Variants in TMEM131 observed in about 807,000 individuals in gnomAD.
TMEM131 encodes transmembrane protein 131, also known as 2610524E03Rik.
TMEM131 carries 66 observed loss-of-function variants against 211.6 expected under a neutral mutation model. That is an observed-to-expected ratio of 0.31 (90% CI 0.26 to 0.38). The LOEUF (loss-of-function observed/expected upper bound fraction) is 0.38, where lower values mean the gene tolerates loss of function less well. TMEM131 is among the 10% of genes least tolerant of loss of function. TMEM131 has a pLI of 1.00. For synonymous variants in TMEM131, 844 were observed against 841.3 expected, an observed-to-expected ratio of 1.00 and a Z score of -0.06; for missense variants, 2,036 against 2,299.3, an observed-to-expected ratio of 0.89 and a Z score of 2.34.
At chr2:97,942,331 TG>T (rs1336052955) in intron 1 of TMEM131, among the ~76,000 whole-genome samples, 1 of 34,388 alleles carries the variant, frequency 2.9e-5, no homozygotes, top group African/African-American at 1.2e-4. Flanking sequence ...GTCAATGGGG[TG>T]GGGGGAGGGG....
intron 7 of TMEM131, among the ~76,000 whole-genome samples, chr2:97,840,519 GTTC>G (rs1284339654): frequency 1.3e-5 from 2 of 152,214 alleles, no homozygotes. Context: ...GAGGCCAGGA[GTTC>G]AAGGCTGCAG....
chr2:97,766,913 A>C (rs570576473), intron 33 of TMEM131, among the ~76,000 whole-genome samples: 28 of 152,314 alleles, frequency 1.8e-4, no homozygotes, highest in Non-Finnish European at 3.4e-4. Flanking sequence ...GCATAGAAAG[A>C]AAGCCCTTAG....
chr2:97,774,629 C>T (rs1352617793), intron 32 of TMEM131, among the ~76,000 whole-genome samples: 2 of 152,118 alleles, frequency 1.3e-5, no homozygotes, highest in East Asian at 1.9e-4. Flanking sequence ...AGTGGGTGAG[C>T]ACAGAACACT....
chr2:97,838,246 G>A (rs1683021991), intron 7 of TMEM131, among the ~76,000 whole-genome samples: 1 of 150,644 alleles, frequency 6.6e-6, no homozygotes, highest in Admixed American at 6.6e-5. Context: ...CAAGGCAGGA[G>A]ACCTTCCTTT....
At chr2:97,933,814 C>T (rs1360389269) in intron 1 of TMEM131, among the ~76,000 whole-genome samples, 3 of 152,122 alleles carry the variant, frequency 2.0e-5, no homozygotes, top group Non-Finnish European at 4.4e-5. Flanking sequence ...ATCATATCAA[C>T]TGACACAGAA....
Position 97,775,902 on chromosome 2 carries a change from C to T in TMEM131, c.4261G>A (p.Asp1421Asn), listed in dbSNP as rs1466400343. Residue 1421 changes from aspartate (D) to asparagine (N), a missense_variant, in exon 32 of 41, where the codon GAT becomes AAT. Physicochemically the swap from Asp to Asn is conservative, Grantham distance 23. Coordinates refer to ENST00000186436, the MANE Select transcript of TMEM131 (RefSeq NM_015348.2). ...GTCTCTGTGGTGGTGGAGGAGCTAT[C>T]ATCATCAGCCAAAGAGTCCTTCAGC... is the stretch of plus-strand genomic sequence containing the variant. ...DELKDSLADDDSSSTTTETSN... is the reference protein window; with the variant it reads ...DELKDSLADDNSSSTTTETSN... 1 of 1,613,942 alleles carries T rather than the reference C, an allele frequency of 6.2e-7. No homozygotes were observed. The highest frequency in any genetic ancestry group is 2.2e-5 in the East Asian group (1 of 44,892).
intron 32 of TMEM131, among the ~76,000 whole-genome samples, chr2:97,775,500 A>C (rs1009905077): frequency 1.3e-5 from 2 of 152,234 alleles, no homozygotes; most frequent in Non-Finnish European, 2.9e-5. Flanking sequence ...TTGATCCTTA[A>C]AATCTGAAAG....
At chr2:97,844,911 C>T (rs1371743418) in intron 5 of TMEM131, among the ~76,000 whole-genome samples, 2 of 152,024 alleles carry the variant, frequency 1.3e-5, no homozygotes, top group African/African-American at 4.8e-5. Context: ...ATATGTAAAG[C>T]CATCAACCTC....
chr2:97,821,936 C>A (rs1002899526), intron 11 of TMEM131, among the ~76,000 whole-genome samples: 13 of 152,144 alleles, frequency 8.5e-5, no homozygotes, highest in Non-Finnish European at 1.9e-4. Context: ...AGAGGAAAGC[C>A]ATTCAGCTCC....
chr2:97,956,642 T>C lies in TMEM131; in HGVS notation c.188-29155A>G, dbSNP rs1392002065. Among the ~76,000 whole-genome samples the C allele has an allele frequency of 5.9e-5, 9 of 152,292 alleles. No homozygotes were observed. In the South Asian group the frequency reaches 1.4e-3, roughly 25 times the overall value. Reference sequence around the variant, plus strand: ...TTTATGTCAAAGTGAGAATGTGTTATATATATTTAAAAATATTTCTCTTTT... The same window carrying C: ...TTTATGTCAAAGTGAGAATGTGTTACATATATTTAAAAATATTTCTCTTTT... On this transcript the variant is annotated intron_variant, in intron 1 of 40. Coordinates refer to ENST00000186436, the MANE Select transcript of TMEM131 (RefSeq NM_015348.2).
intron 4 of TMEM131, among the ~76,000 whole-genome samples, chr2:97,882,673 C>G (rs1488646280): frequency 6.6e-6 from 1 of 152,212 alleles, no homozygotes; most frequent in Non-Finnish European, 1.5e-5. Flanking sequence ...GCTTAACCAG[C>G]TCTCTCAAAT....
chr2:97,766,527 T>G lies in TMEM131; in HGVS notation c.4524A>C (p.Pro1508=). 2 of 1,614,038 alleles carry G rather than the reference T, an allele frequency of 1.2e-6. No individual in the cohort carries two copies. Among genetic ancestry groups the G allele is most frequent in the Non-Finnish European group, 8.5e-7 (1 of 1,179,888 alleles). ...ATTTGGATCCACTTGTCATTGCAGT[T>G]GGAAGAGGAATCTTGCTTGGGAGAT... ...RRNLPSKIPL[P]TAMTSGSKSR... Residue 1508 remains proline, a synonymous_variant, in exon 34 of 41, where the codon CCA becomes CCC. Coordinates refer to ENST00000186436, the MANE Select transcript of TMEM131 (RefSeq NM_015348.2).
Position 97,802,653 on chromosome 2 carries a change from G to A in TMEM131, c.2540C>T (p.Ser847Leu). 6.2e-7 allele frequency: 1 copy of A among 1,612,366 alleles called. No homozygotes were observed. The highest frequency in any genetic ancestry group is 1.3e-5 in the African/African-American group (1 of 74,984). The change falls in exon 23 of 41, where the codon TCA (serine) becomes TTA (leucine). Residue 847 changes from serine to leucine, a missense_variant and splice_region_variant. Physicochemically the swap from Ser to Leu is moderately radical, Grantham distance 145. Coordinates refer to ENST00000186436, the MANE Select transcript of TMEM131 (RefSeq NM_015348.2). ...ACCAATGTCACTTTGAATACTTACT[G>A]AGGAGCAGTTTGTATTAGTAAGTGG... is the stretch of plus-strand genomic sequence containing the variant. Reference protein sequence around the residue: ...KFPLTNTNCSSEEEITLENPA... With the variant: ...KFPLTNTNCSLEEEITLENPA...
chr2:97,872,042 G>T (rs774366976), intron 4 of TMEM131, among the ~76,000 whole-genome samples: 1 of 151,544 alleles, frequency 6.6e-6, no homozygotes, highest in Admixed American at 6.6e-5. Flanking sequence ...AAGAAAAGAG[G>T]GGGAGGGAAA....
intron 3 of TMEM131, among the ~76,000 whole-genome samples, chr2:97,895,056 A>G (rs919230778): frequency 2.0e-5 from 3 of 152,082 alleles, no homozygotes; most frequent in Non-Finnish European, 2.9e-5. Flanking sequence ...TCAATACCTA[A>G]TTTATTGACA....
intron 4 of TMEM131, among the ~76,000 whole-genome samples, chr2:97,879,246 A>G (rs1477138454): frequency 6.6e-6 from 1 of 152,056 alleles, no homozygotes; most frequent in Non-Finnish European, 1.5e-5. Context: ...CGGCAGTGAG[A>G]GAGAATAAGC....
intron 1 of TMEM131, among the ~76,000 whole-genome samples, chr2:97,983,823 T>C (rs1679909627): frequency 6.6e-6 from 1 of 152,242 alleles, no homozygotes; most frequent in Admixed American, 6.5e-5. Flanking sequence ...ACTGCAGTAA[T>C]GACAGTCTCA....
At chr2:97,766,408 A>G (rs544775184) in intron 34 of TMEM131, 70 bp downstream of exon 34, 1 of 1,607,344 alleles carries the variant, frequency 6.2e-7, no homozygotes, top group South Asian at 1.1e-5. Context: ...GATAATGCAC[A>G]ACAATTGTTA....
chr2:97,989,667 G>C (rs1019473080), intron 1 of TMEM131, among the ~76,000 whole-genome samples: 1 of 152,040 alleles, frequency 6.6e-6, no homozygotes, highest in African/African-American at 2.4e-5. Context: ...TAAAAACGTA[G>C]GTTTCATACT....
Sources: allele counts gnomAD v4.1 joint callset (sites outside exome capture counted in the v4.1 genomes callset), GRCh38; gene constraint gnomAD v4.1.1; transcripts MANE v1.5; gene names NCBI Gene and HGNC (gene_info 2026-07-23, HGNC 2026-07-21).